CREB3L3: variants seen among roughly 807,000 people sequenced by gnomAD.
CREB3L3 encodes cAMP responsive element binding protein 3 like 3, also known as cyclic AMP-responsive element-binding protein 3-like protein 3.
A neutral mutation model predicts 44.6 loss-of-function variants in CREB3L3; 40 were observed. The ratio of observed to expected loss-of-function variants is 0.90; its 90% confidence interval spans 0.70 to 1.17. The LOEUF (loss-of-function observed/expected upper bound fraction) is 1.17. Among genes scored for constraint, CREB3L3 ranks in the 50% most tolerant of loss-of-function variants. CREB3L3 has a pLI of 0.00. For missense variants in CREB3L3, 578 were observed against 595.8 expected, an observed-to-expected ratio of 0.97 and a Z score of 0.31; for synonymous variants, 273 against 256.3, an observed-to-expected ratio of 1.06 and a Z score of -0.62.
At chr19:4,156,231 A>G (rs2041575004) in intron 2 of CREB3L3, among the ~76,000 whole-genome samples, 1 of 138,376 alleles carries the variant, frequency 7.2e-6, no homozygotes, top group African/African-American at 2.8e-5. Context: ...TGTTTTGCCC[A>G]GGCTGGAGTG....
intron 5 of CREB3L3, among the ~76,000 whole-genome samples, chr19:4,167,788 G>A (rs1367023004): frequency 6.6e-6 from 1 of 151,688 alleles, no homozygotes; most frequent in African/African-American, 2.4e-5. Context: ...ACTCTGTGAG[G>A]GTTTGGGCAA....
At chr19:4,167,673 CA>C (rs1966947036) in intron 5 of CREB3L3, among the ~76,000 whole-genome samples, 1 of 152,064 alleles carries the variant, frequency 6.6e-6, no homozygotes, top group African/African-American at 2.4e-5. Flanking sequence ...GGGATGGCCA[CA>C]AGGTGGTGGA....
chr19:4,169,343 G>A (rs976580349), intron 6 of CREB3L3, among the ~76,000 whole-genome samples: 1 of 151,798 alleles, frequency 6.6e-6, no homozygotes, highest in Admixed American at 6.6e-5. Flanking sequence ...AACTGGGCTT[G>A]GTGGCGGGTG....
chr19:4,156,882 A>T, intron 2 of CREB3L3, 113 bp from the exon 3 acceptor site: 1 of 1,074,852 alleles, frequency 9.3e-7, no homozygotes, highest in Non-Finnish European at 1.4e-6. Flanking sequence ...CATCTTGGAG[A>T]AGGGAAGGAC....
chr19:4,162,353 G>A (rs1489483486), intron 4 of CREB3L3, among the ~76,000 whole-genome samples: 2 of 151,678 alleles, frequency 1.3e-5, no homozygotes, highest in African/African-American at 4.8e-5. Flanking sequence ...CACCACAACT[G>A]CCTCAAATTC....
chr19:4,167,999 T>TTATTTATTTATTTATC (rs1281649235), intron 5 of CREB3L3, among the ~76,000 whole-genome samples: 3 of 146,028 alleles, frequency 2.1e-5, no homozygotes, highest in East Asian at 2.1e-4. Flanking sequence ...ATTTATTTAT[T>TTATTTATTTATTTATC]TATCTATTTA....
At chr19:4,161,841 G>A (rs1480469791) in intron 4 of CREB3L3, among the ~76,000 whole-genome samples, 2 of 152,134 alleles carry the variant, frequency 1.3e-5, no homozygotes, top group Non-Finnish European at 2.9e-5. Flanking sequence ...GTCAGGATGG[G>A]GCGATGTACT....
intron 4 of CREB3L3, among the ~76,000 whole-genome samples, chr19:4,160,433 G>T (rs538134517): frequency 1.3e-4 from 19 of 151,566 alleles, no homozygotes; most frequent in African/African-American, 3.9e-4. Context: ...GTGCAGTGGC[G>T]CAATCCTAGC....
rs748432223 is a variant in CREB3L3, at chr19:4,171,394, G to A, written c.987G>A (p.Leu329=). The A allele has an allele frequency of 6.2e-7, 1 of 1,614,106 alleles. No individual in the cohort carries two copies. The highest frequency in any genetic ancestry group is 8.5e-7 in the Non-Finnish European group (1 of 1,179,994). ...GCTGTCTCCACCAGGTCCTGTTGCT[G>A]TCCTTTGCCCTCATCATCCTCCCCT... ...QTGTCVAVLL[L]SFALIILPSI... Residue 329 remains leucine, a synonymous_variant, in exon 9 of 10, where the codon CTG becomes CTA. Transcript: ENST00000078445. The surrounding 1 kb of genome is among the most constrained non-coding windows in gnomAD (Gnocchi z 4.9).
chr19:4,162,516 C>CAAA lies in CREB3L3; in HGVS notation c.577-1971_577-1969dup, dbSNP rs777481446. ...GCAACATAGCAAGACCTCGTCTCTACAAAAAAAAAAAAAAAAAATTAGCTG... is the reference window on the plus strand; with the variant it reads ...GCAACATAGCAAGACCTCGTCTCTACAAAAAAAAAAAAAAAAAAAAATTAGCTG... On this transcript the variant is annotated intron_variant, in intron 4 of 9. Transcript: ENST00000078445. Among the ~76,000 whole-genome samples, 21 of 96,734 alleles carry CAAA rather than the reference C, an allele frequency of 2.2e-4. 3 individuals are homozygous for CAAA. Among genetic ancestry groups the CAAA allele is most frequent in the East Asian group, 6.5e-4 (2 of 3,056 alleles). 63.5% of individuals were successfully genotyped at this position (96,734 alleles called of 152,430 possible). A position where few individuals can be genotyped will look rare whatever the true frequency, so the allele number is the denominator to read the frequency against.
In CREB3L3 at chr19:4,171,776, G is replaced by C. The variant is rs778587385; in HGVS notation, c.1193G>C (p.Ser398Thr). 1 of 1,613,474 alleles carries C rather than the reference G, an allele frequency of 6.2e-7. No homozygotes were observed. Among genetic ancestry groups the C allele is most frequent in the South Asian group, 1.1e-5 (1 of 91,084 alleles). Residue 398 changes from serine to threonine, a missense_variant, in exon 10 of 10, where the codon AGC (serine) becomes ACC (threonine). By Grantham distance (58) the Ser-to-Thr change is moderately conservative. Coordinates refer to ENST00000078445, the MANE Select transcript of CREB3L3 (RefSeq NM_032607.3). The surrounding 1 kb of genome is among the most constrained non-coding windows in gnomAD (Gnocchi z 4.9). ...ACAACCCGAGAAGAGTCTCCAGGAA[G>C]CCCCGGGGCAGACTGGGGCTTCCAG... is the stretch of plus-strand genomic sequence containing the variant. ...ADTTREESPGSPGADWGFQDT... is the reference protein window; with the variant it reads ...ADTTREESPGTPGADWGFQDT...
At position 4,156,981 on chromosome 19, in the gene CREB3L3, C is replaced by T. The variant is rs1282625543; in HGVS notation, c.157-14C>T. The T allele has an allele frequency of 4.3e-6, 7 of 1,613,824 alleles. No individual in the cohort carries two copies. In the African/African-American group the frequency reaches 8.0e-5, roughly 18 times the overall value. On this transcript the variant is annotated splice_polypyrimidine_tract_variant and intron_variant, in intron 2 of 9. Coordinates refer to ENST00000078445, the MANE Select transcript of CREB3L3 (RefSeq NM_032607.3). ...CACTTCCTAATTCCTACTACCCCTCCCTGTCCACCCCAGCAGGTCCTGCCA... is the reference window on the plus strand; with the variant it reads ...CACTTCCTAATTCCTACTACCCCTCTCTGTCCACCCCAGCAGGTCCTGCCA...
At chr19:4,155,358 C>T (rs1450573280) in intron 2 of CREB3L3, among the ~76,000 whole-genome samples, 1 of 145,844 alleles carries the variant, frequency 6.9e-6, no homozygotes, top group Non-Finnish European at 1.5e-5. Flanking sequence ...TTCTCTCTTT[C>T]TTCTTCTTTT....
chr19:4,156,722 G>T (rs947891584), intron 2 of CREB3L3, among the ~76,000 whole-genome samples: 2 of 145,146 alleles, frequency 1.4e-5, no homozygotes, highest in East Asian at 2.1e-4. Flanking sequence ...GGCGGATCTC[G>T]AACTCCTGAC....
chr19:4,153,757 G>T lies in CREB3L3; in HGVS notation c.10G>T (p.Asp4Tyr). 1 of 1,614,134 alleles carries T rather than the reference G, an allele frequency of 6.2e-7. No homozygotes were observed. The highest frequency in any genetic ancestry group is 1.1e-5 in the South Asian group (1 of 91,064). Residue 4 changes from aspartate (D) to tyrosine (Y), a missense_variant, in exon 1 of 10, where the codon GAT (aspartate) becomes TAT (tyrosine). Coordinates refer to ENST00000078445, the MANE Select transcript of CREB3L3 (RefSeq NM_032607.3). MNT[D>Y]LAAGKMASAA... ...AGAACTGGATGGACCCATGAATACGGATTTAGCTGCTGGAAAGGTGAGCCC... is the reference window on the plus strand; with the variant it reads ...AGAACTGGATGGACCCATGAATACGTATTTAGCTGCTGGAAAGGTGAGCCC...
chr19:4,163,110 T>A (rs929240649), intron 4 of CREB3L3, among the ~76,000 whole-genome samples: 14 of 151,854 alleles, frequency 9.2e-5, no homozygotes, highest in Non-Finnish European at 1.8e-4. Context: ...GATCGAGACC[T>A]TCCTGGCTAA....
intron 5 of CREB3L3, among the ~76,000 whole-genome samples, chr19:4,167,500 A>AAG (rs1285160499): frequency 1.3e-4 from 18 of 139,364 alleles, no homozygotes; most frequent in African/African-American, 4.4e-4. Context: ...GAGAAAGAGA[A>AAG]AGAGAAAGAG....
In CREB3L3 at chr19:4,171,771, AG is replaced by A. The variant is rs772623065; in HGVS notation, c.1190del (p.Gly397GlufsTer15). ...EADTTREESP[G>X]SPGADWGFQD... Reference sequence around the variant, plus strand: ...CTGACACAACCCGAGAAGAGTCTCCAGGAAGCCCCGGGGCAGACTGGGGCTT... The same window carrying A: ...CTGACACAACCCGAGAAGAGTCTCCAGAAGCCCCGGGGCAGACTGGGGCTT... On this transcript the variant is annotated frameshift_variant, in exon 10 of 10. Transcript: ENST00000078445. LOFTEE classifies it low-confidence loss of function (END_TRUNC). This position sits in a 1 kb window ranked among gnomAD's most constrained non-coding sequence, Gnocchi z 4.9. 6 of 1,613,386 alleles carry A rather than the reference AG, an allele frequency of 3.7e-6. No individual in the cohort carries two copies. The South Asian group carries it at 6.6e-5, about 18-fold the overall frequency.
chr19:4,163,776 G>C (rs1599338683), intron 4 of CREB3L3, among the ~76,000 whole-genome samples: 1 of 151,158 alleles, frequency 6.6e-6, no homozygotes, highest in Non-Finnish European at 1.5e-5. Flanking sequence ...GCCTCCCAAA[G>C]TGCTGGGACT....
Sources: allele counts gnomAD v4.1 joint callset (sites outside exome capture counted in the v4.1 genomes callset), GRCh38; gene constraint gnomAD v4.1.1; non-coding constraint Gnocchi (gnomAD v3.1); transcripts MANE v1.5; gene names NCBI Gene and HGNC (gene_info 2026-07-23, HGNC 2026-07-21).